The following PDE4B variants were observed in gnomAD, a reference collection of about 807,000 sequenced individuals.
PDE4B encodes 3',5'-cyclic-AMP phosphodiesterase 4B.
In PDE4B, 20 loss-of-function variants were observed where a neutral mutation model predicts 82.2. The ratio of observed to expected loss-of-function variants is 0.24; its 90% CI spans 0.17 to 0.35. The LOEUF is 0.35. PDE4B is among the 10% of genes least tolerant of loss of function. PDE4B has a pLI of 1.00. For synonymous variants in PDE4B, 320 were observed against 318.9 expected (o/e 1.00, Z -0.04); for missense variants, 655 against 907.2 (o/e 0.72, Z 3.57).
intron 1 of PDE4B, among the ~76,000 whole-genome samples, chr1:65,862,873 A>T (rs561372270): frequency 3.9e-5 from 6 of 152,048 alleles, no homozygotes; most frequent in Non-Finnish European, 8.8e-5. Flanking sequence ...GGTAGTTTGT[A>T]TTTCTGAGGG....
At chr1:65,990,471 T>C (rs1651184537) in intron 3 of PDE4B, among the ~76,000 whole-genome samples, 1 of 152,164 alleles carries the variant, frequency 6.6e-6, no homozygotes, top group African/African-American at 2.4e-5. Context: ...AAATCACATA[T>C]TTTCATGTCC....
rs528600241 is a variant in PDE4B, at chr1:66,186,768, C to G, written c.282-60692C>G. ...TGGGGTTTTCTAGATATACAATCAT[C>G]TCATCTGCAAACAGGGACAATTTGA... On this transcript the variant is annotated intron_variant, in intron 3 of 16. Transcript: ENST00000341517. Among the ~76,000 whole-genome samples the G allele has an allele frequency of 4.7e-4, 72 of 152,218 alleles. 1 individual carries two copies. The highest frequency in any genetic ancestry group is 3.4e-4 in the Non-Finnish European group (23 of 67,990).
chr1:65,818,907 G>A (rs1394372612), intron 1 of PDE4B, among the ~76,000 whole-genome samples: 1 of 152,038 alleles, frequency 6.6e-6, no homozygotes, highest in Non-Finnish European at 1.5e-5. Context: ...AGCTAGCATA[G>A]GTTGCAATAA....
intron 3 of PDE4B, among the ~76,000 whole-genome samples, chr1:66,129,474 G>A (rs979674302): frequency 3.3e-5 from 5 of 151,274 alleles, no homozygotes; most frequent in East Asian, 3.9e-4. Context: ...CGGCTAAAAC[G>A]GTGAAACCCC....
chr1:65,894,883 A>G (rs1646892187), intron 1 of PDE4B, among the ~76,000 whole-genome samples: 1 of 152,182 alleles, frequency 6.6e-6, no homozygotes, highest in African/African-American at 2.4e-5. Flanking sequence ...TGGTAATAGT[A>G]AGTTTTGGCA....
At chr1:65,952,444 G>A (rs146915185) in intron 3 of PDE4B, among the ~76,000 whole-genome samples, 1,861 of 152,174 alleles carry the variant, frequency 0.012, 40 homozygotes, top group African/African-American at 0.043. Context: ...ACTTTGGGAG[G>A]CTGAGGTGGG....
chr1:65,823,093 T>C (rs1238314837), intron 1 of PDE4B, among the ~76,000 whole-genome samples: 1 of 152,136 alleles, frequency 6.6e-6, no homozygotes, highest in Non-Finnish European at 1.5e-5. Context: ...GTTGTTCATC[T>C]GCATTTTAAA....
intron 3 of PDE4B, among the ~76,000 whole-genome samples, chr1:66,237,652 T>G (rs191220409): frequency 2.6e-5 from 4 of 152,204 alleles, no homozygotes; most frequent in Non-Finnish European, 4.4e-5. Context: ...CATCAACTTA[T>G]GTTTTAAATC....
At chr1:66,013,197 C>T (rs1652583661) in intron 3 of PDE4B, among the ~76,000 whole-genome samples, 2 of 152,030 alleles carry the variant, frequency 1.3e-5, no homozygotes, top group African/African-American at 4.8e-5. Context: ...AATTGGTACT[C>T]AGTGAATGTT....
chr1:66,038,203 A>G (rs1654168342), intron 3 of PDE4B, among the ~76,000 whole-genome samples: 1 of 152,152 alleles, frequency 6.6e-6, no homozygotes, highest in Admixed American at 6.5e-5. Context: ...TTGTCTAGTT[A>G]GTGTTATTTT....
chr1:66,026,822 T>A lies in PDE4B; in HGVS notation c.281+107987T>A, dbSNP rs557518192. On this transcript the variant is annotated intron_variant, in intron 3 of 16. Transcript: ENST00000341517. ...AGTATATCCTCATAACACAAATGCG[T>A]GTTCTTCACCTCAACAAACCAACCA... 2.6e-5 allele frequency among the ~76,000 whole-genome samples: 4 copies of A among 152,332 alleles called. No individual in the cohort carries two copies. In the South Asian group the frequency reaches 8.3e-4, roughly 32 times the overall value.
chr1:66,201,743 T>C (rs1406303151), intron 3 of PDE4B, among the ~76,000 whole-genome samples: 1 of 152,020 alleles, frequency 6.6e-6, no homozygotes, highest in African/African-American at 2.4e-5. Context: ...TCTTTTCTTC[T>C]TTATTAGTCT....
intron 16 of PDE4B, among the ~76,000 whole-genome samples, chr1:66,371,113 T>C (rs1396280439): frequency 3.0e-5 from 4 of 133,354 alleles, no homozygotes; most frequent in East Asian, 4.7e-4. Context: ...TATATATATA[T>C]ATATATATAT....
At chr1:66,226,383 A>G (rs1651455602) in intron 3 of PDE4B, among the ~76,000 whole-genome samples, 1 of 152,250 alleles carries the variant, frequency 6.6e-6, no homozygotes, top group African/African-American at 2.4e-5. Context: ...ACAAACAAGA[A>G]CATTCCAAAT....
chr1:65,926,280 T>C (rs931687596), intron 3 of PDE4B, among the ~76,000 whole-genome samples: 1 of 152,232 alleles, frequency 6.6e-6, no homozygotes, highest in South Asian at 2.1e-4. Flanking sequence ...AATAAGATGA[T>C]AGTTTTCCTT....
intron 3 of PDE4B, among the ~76,000 whole-genome samples, chr1:66,099,618 A>G (rs1645182256): frequency 6.6e-6 from 1 of 152,178 alleles, no homozygotes; most frequent in East Asian, 1.9e-4. Context: ...TCCTAAACAC[A>G]TAGTTGATAT....
At chr1:66,240,250 C>T (rs1652785523) in intron 3 of PDE4B, among the ~76,000 whole-genome samples, 1 of 152,176 alleles carries the variant, frequency 6.6e-6, no homozygotes, top group South Asian at 2.1e-4. Context: ...TTCCTTGGTC[C>T]CAAACCATTC....
intron 3 of PDE4B, among the ~76,000 whole-genome samples, chr1:66,234,078 A>G (rs916538853): frequency 6.6e-6 from 1 of 152,210 alleles, no homozygotes; most frequent in Non-Finnish European, 1.5e-5. Flanking sequence ...TAGAGTCAGT[A>G]TAATTTTTTA....
intron 3 of PDE4B, among the ~76,000 whole-genome samples, chr1:66,075,155 C>T (rs968142077): frequency 2.0e-5 from 3 of 152,052 alleles, no homozygotes; most frequent in Non-Finnish European, 1.5e-5. Context: ...ACCTCTGCTA[C>T]TGCTATACAC....
Sources: allele counts gnomAD v4.1 joint callset (sites outside exome capture counted in the v4.1 genomes callset), GRCh38; gene constraint gnomAD v4.1.1; transcripts MANE v1.5; gene names NCBI Gene and HGNC (gene_info 2026-07-23, HGNC 2026-07-21).